Variants in PAH observed in about 807,000 individuals in gnomAD.
PAH encodes phenylalanine hydroxylase.
Under a neutral mutation model 62.0 loss-of-function variants are expected in PAH, and 64 were observed. The observed-to-expected ratio is 1.03, with a 90% confidence interval of 0.84 to 1.27. The LOEUF (loss-of-function observed/expected upper bound fraction) is 1.27. Among genes scored for constraint, PAH ranks in the 50% most tolerant of loss-of-function variants. The pLI, the probability that PAH is intolerant of heterozygous loss-of-function variation, is 0.00. For synonymous variants in PAH, 195 were observed against 196.2 expected (o/e 0.99, Z 0.05); for missense variants, 579 against 542.8 (o/e 1.07, Z -0.66).
At chr12:102,894,248 T>C (rs1029196678) in intron 3 of PAH, among the ~76,000 whole-genome samples, 2 of 152,190 alleles carry the variant, frequency 1.3e-5, no homozygotes, top group African/African-American at 2.4e-5. Flanking sequence ...GAAAATTAGA[T>C]ACTACTTATT....
intron 8 of PAH, among the ~76,000 whole-genome samples, chr12:102,849,386 G>A (rs1806342597): frequency 6.6e-6 from 1 of 151,952 alleles, no homozygotes; most frequent in Non-Finnish European, 1.5e-5. Flanking sequence ...TGTTGAATAG[G>A]CAATTCAATA....
chr12:102,947,560 TA>T (rs1593005879), intron 1 of PAH, among the ~76,000 whole-genome samples: 1 of 151,844 alleles, frequency 6.6e-6, no homozygotes, highest in East Asian at 1.9e-4. Context: ...GATGAGAAAC[TA>T]AAAAAACTAA....
At chr12:102,845,785 G>A (rs1874813027) in intron 9 of PAH, among the ~76,000 whole-genome samples, 1 of 152,176 alleles carries the variant, frequency 6.6e-6, no homozygotes, top group Non-Finnish European at 1.5e-5. Flanking sequence ...CAACATGCAT[G>A]TAGTTACACA....
chr12:102,863,413 C>T (rs1367693407), intron 5 of PAH, among the ~76,000 whole-genome samples: 3 of 152,292 alleles, frequency 2.0e-5, no homozygotes, highest in Admixed American at 6.5e-5. Flanking sequence ...TTTCTCCCCT[C>T]TCAGTCTGTG....
chr12:102,872,375 T>C (rs1010518839), intron 4 of PAH, among the ~76,000 whole-genome samples: 15 of 152,306 alleles, frequency 9.8e-5, no homozygotes, highest in Non-Finnish European at 1.6e-4. Flanking sequence ...GTGAGTTAAA[T>C]GGATCTTTGA....
intron 3 of PAH, among the ~76,000 whole-genome samples, chr12:102,885,839 G>A (rs1193250074): frequency 6.6e-6 from 1 of 152,210 alleles, no homozygotes; most frequent in Admixed American, 6.5e-5. Flanking sequence ...ACCCAGGCTT[G>A]CCTCCAGCCT....
Position 102,866,672 on chromosome 12 carries a change from A to G in PAH, c.442-9T>C. 1 of 1,612,164 alleles carries G rather than the reference A, an allele frequency of 6.2e-7. No homozygotes were observed. The highest frequency in any genetic ancestry group is 8.5e-7 in the Non-Finnish European group (1 of 1,178,260). ...ACAGGATCTTTAAAACCCTAGGAGA[A>G]AAGAGACACCTGATTTTTCAAGGCT... is the stretch of plus-strand genomic sequence containing the variant. On this transcript the variant is annotated splice_polypyrimidine_tract_variant and intron_variant, in intron 4 of 12. Coordinates refer to ENST00000553106, the MANE Select transcript of PAH (RefSeq NM_000277.3).
chr12:102,934,648 T>C (rs1292544732), intron 1 of PAH, among the ~76,000 whole-genome samples: 4 of 152,022 alleles, frequency 2.6e-5, no homozygotes, highest in African/African-American at 9.7e-5. Flanking sequence ...CTTCTTAGGT[T>C]AACTCCTAGG....
chr12:102,862,615 T>A (rs1438459921), intron 5 of PAH, among the ~76,000 whole-genome samples: 1 of 152,164 alleles, frequency 6.6e-6, no homozygotes, highest in Admixed American at 6.5e-5. Context: ...TGAACTGTGT[T>A]CGGAACAGCA....
chr12:102,909,002 G>A, intron 2 of PAH, among the ~76,000 whole-genome samples: 1 of 151,558 alleles, frequency 6.6e-6, no homozygotes, highest in East Asian at 1.9e-4. Flanking sequence ...ATTTTTTTGT[G>A]TTTTTAGTAA....
intron 2 of PAH, among the ~76,000 whole-genome samples, chr12:102,896,014 C>T (rs1272819453): frequency 6.6e-6 from 1 of 151,870 alleles, no homozygotes; most frequent in Non-Finnish European, 1.5e-5. Context: ...AGATGCTTTC[C>T]TTTATAAAGC....
chr12:102,868,246 A>C (rs1451420321), intron 4 of PAH, among the ~76,000 whole-genome samples: 1 of 147,764 alleles, frequency 6.8e-6, no homozygotes, highest in Non-Finnish European at 1.5e-5. Context: ...AGGGCAATGT[A>C]ATATAATGTA....
intron 1 of PAH, chr12:102,946,884 G>C (rs1879517300): frequency 6.6e-6 from 1 of 152,058 alleles, no homozygotes; most frequent in African/African-American, 2.4e-5. Flanking sequence ...GGAGCAATAG[G>C]GTATGTGATA....
intron 1 of PAH, among the ~76,000 whole-genome samples, chr12:102,938,664 G>A (rs116627280): frequency 1.0e-3 from 157 of 152,316 alleles, no homozygotes; most frequent in African/African-American, 3.4e-3. Flanking sequence ...AGAGGTAAAT[G>A]ACAGACCCTT....
At chr12:102,870,887 T>G (rs11836916) in intron 4 of PAH, among the ~76,000 whole-genome samples, 2,722 of 152,308 alleles carry the variant, frequency 0.018, 75 homozygotes, top group African/African-American at 0.062. Flanking sequence ...CCAAGAAGCC[T>G]ATTCTGGAAA....
chr12:102,885,929 G>T (rs1403020354), intron 3 of PAH: 1 of 152,562 alleles, frequency 6.6e-6, no homozygotes, highest in Non-Finnish European at 1.5e-5. Context: ...CAGGCTCCCG[G>T]ATGTCTCCTC....
chr12:102,866,425 G>T (rs562125833), intron 5 of PAH, among the ~76,000 whole-genome samples, 171 bp downstream of exon 5: 1 of 152,130 alleles, frequency 6.6e-6, no homozygotes, highest in African/African-American at 2.4e-5. Context: ...TAAAGGGAGG[G>T]TTTAAACACA....
chr12:102,886,349 T>C (rs569674214), intron 3 of PAH: 1 of 152,252 alleles, frequency 6.6e-6, no homozygotes, highest in African/African-American at 2.4e-5. Flanking sequence ...AGTGAGTGAA[T>C]AGATATGAGT....
chr12:102,946,045 ATGT>A (rs1240453379), intron 1 of PAH: 7 of 152,196 alleles, frequency 4.6e-5, no homozygotes, highest in African/African-American at 1.7e-4. Context: ...GTGTCTAGAA[ATGT>A]TGTCTGGAAG....
Sources: allele counts gnomAD v4.1 joint callset (sites outside exome capture counted in the v4.1 genomes callset), GRCh38; gene constraint gnomAD v4.1.1; transcripts MANE v1.5; gene names NCBI Gene and HGNC (gene_info 2026-07-23, HGNC 2026-07-21).